TNRC6C: variants seen among roughly 807,000 people sequenced by gnomAD.
TNRC6C encodes the protein trinucleotide repeat-containing gene 6C protein.
Under a neutral mutation model 153.7 loss-of-function variants are expected in TNRC6C, and 20 were observed. The ratio of observed to expected loss-of-function variants is 0.13; its 90% CI spans 0.09 to 0.19. The LOEUF is 0.19. TNRC6C is among the 10% of genes least tolerant of loss of function. The pLI is 1.00. For missense variants in TNRC6C, 1,987 were observed against 2,172.0 expected, an observed-to-expected ratio of 0.91 and a Z score of 1.69; for synonymous variants, 811 against 841.4, an observed-to-expected ratio of 0.96 and a Z score of 0.63.
At chr17:78,096,359 C>T (rs1319729934) in intron 16 of TNRC6C, among the ~76,000 whole-genome samples, 4 of 152,194 alleles carry the variant, frequency 2.6e-5, no homozygotes, top group Non-Finnish European at 4.4e-5. Context: ...ACCACACCCC[C>T]ACGACGCACA....
At chr17:78,055,765 T>C (rs2072641493) in intron 3 of TNRC6C, among the ~76,000 whole-genome samples, 1 of 152,120 alleles carries the variant, frequency 6.6e-6, no homozygotes, top group Admixed American at 6.5e-5. Flanking sequence ...TTGGCAGTCA[T>C]GTATGGAGCA....
chr17:78,091,741 A>G (rs557030784), intron 14 of TNRC6C, 134 bp downstream of exon 16: 2 of 1,012,388 alleles, frequency 2.0e-6, no homozygotes, highest in Non-Finnish European at 2.6e-6. Flanking sequence ...AACCCATTCC[A>G]TTATAGTGCA....
intron 1 of TNRC6C, among the ~76,000 whole-genome samples, chr17:77,979,642 A>G (rs2071046243): frequency 6.6e-6 from 1 of 152,190 alleles, no homozygotes; most frequent in Non-Finnish European, 1.5e-5. Flanking sequence ...GGAGAGGAGA[A>G]AGAATAGGTC....
At chr17:78,051,326 G>A in exon 3 of TNRC6C, 1 of 1,551,628 alleles carries the variant, frequency 6.4e-7, no homozygotes, top group Non-Finnish European at 8.7e-7. Flanking sequence ...ATCCAGAGCA[G>A]TACCACGACC....
intron 1 of TNRC6C, 36 bp from the exon 4 acceptor site, chr17:78,031,480 A>G (rs1044164840): frequency 3.3e-6 from 4 of 1,229,890 alleles, no homozygotes; most frequent in East Asian, 6.3e-5. Flanking sequence ...GGGTCTAGCT[A>G]AAGTTTTGGG....
intron 3 of TNRC6C, among the ~76,000 whole-genome samples, chr17:78,061,209 T>C (rs997683535): frequency 2.0e-5 from 3 of 152,222 alleles, no homozygotes; most frequent in African/African-American, 7.2e-5. Flanking sequence ...AAAAGTTTAA[T>C]ATCAGTATTT....
chr17:78,027,477 C>T (rs552141184), intron 1 of TNRC6C, among the ~76,000 whole-genome samples: 7 of 152,246 alleles, frequency 4.6e-5, no homozygotes, highest in South Asian at 2.1e-4. Flanking sequence ...TCAGTTCCAT[C>T]ATATGGAAAC....
At chr17:77,958,472 A>AG (rs2070829478), upstream of TNRC6C, among the ~76,000 whole-genome samples, 2 of 151,764 alleles carry the variant, frequency 1.3e-5, no homozygotes, top group Non-Finnish European at 2.9e-5. Context: ...GCGGGTATTA[A>AG]GGGGAAAGGA....
chr17:78,029,176 G>A (rs974818719), intron 1 of TNRC6C, among the ~76,000 whole-genome samples: 4 of 152,160 alleles, frequency 2.6e-5, no homozygotes, highest in African/African-American at 9.7e-5. Context: ...GCAGAGTGTG[G>A]CAGTGCTACA....
intron 7 of TNRC6C, among the ~76,000 whole-genome samples, chr17:78,074,206 AC>A (rs2073046375): frequency 6.6e-6 from 1 of 152,242 alleles, no homozygotes; most frequent in African/African-American, 2.4e-5. Flanking sequence ...GCACAGAAAT[AC>A]GAAAAGCCTG....
chr17:78,028,173 G>A (rs1292643249), intron 1 of TNRC6C, among the ~76,000 whole-genome samples: 1 of 152,184 alleles, frequency 6.6e-6, no homozygotes, highest in African/African-American at 2.4e-5. Context: ...GGGATTACAG[G>A]CGTGAGCCAT....
chr17:77,980,814 ATAT>A (rs1198441769), intron 1 of TNRC6C, among the ~76,000 whole-genome samples: 1 of 152,128 alleles, frequency 6.6e-6, no homozygotes, highest in Non-Finnish European at 1.5e-5. Context: ...ATTACAAAGG[ATAT>A]TATGAAGGAA....
exon 3 of TNRC6C, chr17:78,050,207 T>C: frequency 6.5e-7 from 1 of 1,539,432 alleles, no homozygotes; most frequent in Non-Finnish European, 8.7e-7. Flanking sequence ...GGTGAACACA[T>C]GAACTCCTGG....
Position 78,097,886 on chromosome 17 carries a change from C to T in TNRC6C, c.4307-457C>T. 1.4e-6 allele frequency: 2 copies of T among 1,478,720 alleles called. No individual in the cohort carries two copies. Among genetic ancestry groups the T allele is most frequent in the African/African-American group, 1.4e-5 (1 of 70,594 alleles). 91.6% of individuals were successfully genotyped at this position (1,478,720 alleles called of 1,614,324 possible). ...GGTACGCGCCTGGCCTCTAGACTTG[C>T]AGGTAGCATTTTCTTTCTTTTCCCA... On this transcript the variant is annotated intron_variant, in intron 16 of 19. Coordinates refer to ENST00000301624, the Ensembl canonical transcript of TNRC6C.
intron 11 of TNRC6C, among the ~76,000 whole-genome samples, chr17:78,083,897 A>T (rs1210938963): frequency 6.6e-6 from 1 of 152,344 alleles, no homozygotes; most frequent in Non-Finnish European, 1.5e-5. Flanking sequence ...CTGAAATTAT[A>T]TACACTAAAA....
chr17:77,957,808 T>C (rs1318857956), upstream of TNRC6C, among the ~76,000 whole-genome samples: 5 of 152,212 alleles, frequency 3.3e-5, no homozygotes, highest in African/African-American at 1.2e-4. Flanking sequence ...ATAATGGATA[T>C]CGAGGAGCCG....
chr17:78,034,045 C>T (rs935878566), intron 2 of TNRC6C, among the ~76,000 whole-genome samples: 1 of 152,138 alleles, frequency 6.6e-6, no homozygotes, highest in African/African-American at 2.4e-5. Context: ...GCCTACTCTC[C>T]ATGGCCTACT....
At chr17:78,010,306 A>G (rs895111848) in intron 1 of TNRC6C, among the ~76,000 whole-genome samples, 4 of 152,250 alleles carry the variant, frequency 2.6e-5, no homozygotes, top group African/African-American at 9.6e-5. Flanking sequence ...GCTTTTGTTA[A>G]TAATGTAAGT....
intron 1 of TNRC6C, among the ~76,000 whole-genome samples, chr17:77,980,496 A>G (rs1446418612): frequency 6.6e-6 from 1 of 152,182 alleles, no homozygotes; most frequent in Non-Finnish European, 1.5e-5. Context: ...AACACAGAAG[A>G]CTTCTGTGAG....
Sources: gnomAD v4.1 joint callset for allele counts (sites outside exome capture counted in the v4.1 genomes callset) on GRCh38, gnomAD v4.1.1 for gene constraint, MANE v1.5 for transcripts, NCBI Gene and HGNC (gene_info 2026-07-23, HGNC 2026-07-21) for gene names.